The following ZBTB10 variants were observed in gnomAD, a reference collection of about 807,000 sequenced individuals.
ZBTB10 encodes zinc finger and BTB domain containing 10.
In ZBTB10, 32 loss-of-function variants were observed where a neutral mutation model predicts 76.4. The ratio of observed to expected loss-of-function variants is 0.42; its 90% confidence interval spans 0.32 to 0.56. The LOEUF (loss-of-function observed/expected upper bound fraction) is 0.56, where lower values mean the gene tolerates loss of function less well. Among genes scored for constraint, ZBTB10 ranks in the 20% least tolerant of loss-of-function variants. The pLI is 0.14. For synonymous variants in ZBTB10, 523 were observed against 432.9 expected, an observed-to-expected ratio of 1.21 and a Z score of -2.58; for missense variants, 1,057 against 1,098.5, an observed-to-expected ratio of 0.96 and a Z score of 0.53.
rs373787723 is a variant in ZBTB10 at position 80,500,168 on chromosome 8, T to G, written c.1647T>G (p.Asn549Lys). ...ATGGATCTCCTGAAATGGCTGAAAA[T>G]GAATCTGAAGGTCAAACAAAAGTGT... ...VQDGSPEMAE[N>K]ESEGQTKVFI... The change falls in exon 2 of 6, where the codon AAT becomes AAG. Residue 549 changes from asparagine to lysine, a missense_variant. Around this residue, in one of 5 missense-constraint regions of ZBTB10, gnomAD observed 306 missense variants for 297.5 expected, o/e 1.03. Transcript: ENST00000455036. 1.9e-6 allele frequency: 3 copies of G among 1,612,134 alleles called. No individual in the cohort carries two copies. The highest frequency in any genetic ancestry group is 2.5e-6 in the Non-Finnish European group (3 of 1,178,956).
At chr8:80,512,898 G>T (rs982177146) in intron 2 of ZBTB10, among the ~76,000 whole-genome samples, 1 of 151,682 alleles carries the variant, frequency 6.6e-6, no homozygotes, top group Non-Finnish European at 1.5e-5. Flanking sequence ...CACCAGTATC[G>T]CTCAGTAAGA....
intron 3 of ZBTB10, among the ~76,000 whole-genome samples, chr8:80,514,285 A>G (rs1274410622): frequency 6.6e-6 from 1 of 152,220 alleles, no homozygotes; most frequent in African/African-American, 2.4e-5. Context: ...GCTGGTATAT[A>G]GATACGGAAC....
Position 80,486,779 on chromosome 8 carries a change from G to A in ZBTB10, c.-32G>A, listed in dbSNP as rs948096874. 14 of 1,369,992 alleles carry A rather than the reference G, an allele frequency of 1.0e-5. No individual in the cohort carries two copies. In the African/African-American group the frequency reaches 1.1e-4, roughly 11 times the overall value. The allele number at this position is 1,369,992 out of a possible 1,614,324, so 84.9% of individuals were successfully genotyped here. ...CGGCCCGAGGCCGTGCGCGAGCCGGGGCACCGGGCGGCGGCGGCGGCGGCG... is the reference window on the plus strand; with the variant it reads ...CGGCCCGAGGCCGTGCGCGAGCCGGAGCACCGGGCGGCGGCGGCGGCGGCG... On this transcript the variant is annotated 5_prime_UTR_variant, in exon 1 of 6. Coordinates refer to ENST00000455036, the MANE Select transcript of ZBTB10 (RefSeq NM_001105539.3).
At chr8:80,486,138 G>GC (rs1815441682), upstream of ZBTB10, 1 of 276,400 alleles carries the variant, frequency 3.6e-6, no homozygotes. Context: ...CCCAAGCCCA[G>GC]CCCCCCTCCC....
rs1028205390 is a variant in ZBTB10, at chr8:80,522,295, T to A, written c.*2767T>A. On this transcript the variant is annotated 3_prime_UTR_variant, in exon 6 of 6. Coordinates refer to ENST00000455036, the MANE Select transcript of ZBTB10 (RefSeq NM_001105539.3). ...ACTCATAATTTTGTCTGTGGAACTC[T>A]GGCAGAATTATGTTACACATTTGGC... is the stretch of plus-strand genomic sequence containing the variant. The A allele has an allele frequency of 6.6e-6, 1 of 151,972 alleles. No homozygotes were observed. The allele number at this position is 151,972 out of a possible 1,614,324, so 9.4% of individuals were successfully genotyped here.
At chr8:80,508,202 A>T (rs1250940565) in intron 2 of ZBTB10, among the ~76,000 whole-genome samples, 3 of 152,202 alleles carry the variant, frequency 2.0e-5, no homozygotes, top group Non-Finnish European at 4.4e-5. Flanking sequence ...CATTTTTGTG[A>T]CTTCTTCCTG....
In ZBTB10 at chr8:80,486,404, A is replaced by G. The variant is rs372643025; in HGVS notation, c.-407A>G. On this transcript the variant is annotated 5_prime_UTR_variant, in exon 1 of 6. Coordinates refer to ENST00000455036, the MANE Select transcript of ZBTB10 (RefSeq NM_001105539.3). ...CGGAGGAAGGATATCTGTGTGGAGG[A>G]TCGGTGTGTGCGCGCGCGGCTTTAA... The G allele has an allele frequency of 8.5e-5, 83 of 980,652 alleles. No individual in the cohort carries two copies. Among genetic ancestry groups the G allele is most frequent in the Middle Eastern group, 5.2e-4 (1 of 1,918 alleles). The allele number at this position is 980,652 out of a possible 1,614,324, so 60.7% of individuals were successfully genotyped here. A position where few individuals can be genotyped will look rare whatever the true frequency, so the allele number is the denominator to read the frequency against.
rs1218277376 is a variant in ZBTB10, at chr8:80,525,508, T to C, written c.*5980T>C. On this transcript the variant is annotated 3_prime_UTR_variant, in exon 6 of 6. Coordinates refer to ENST00000455036, the MANE Select transcript of ZBTB10 (RefSeq NM_001105539.3). ...GAAAGATAAACACAAGACAGTCTTC[T>C]TGGCGCAGGTCCTAACAGTTGGTGA... The C allele has an allele frequency of 6.6e-6, 1 of 152,156 alleles. No homozygotes were observed. Among genetic ancestry groups the C allele is most frequent in the Non-Finnish European group, 1.5e-5 (1 of 68,018 alleles). The allele number at this position is 152,156 out of a possible 1,614,324, so 9.4% of individuals were successfully genotyped here.
intron 2 of ZBTB10, among the ~76,000 whole-genome samples, chr8:80,507,825 T>G (rs1816098779): frequency 6.6e-6 from 1 of 152,074 alleles, no homozygotes; most frequent in African/African-American, 2.4e-5. Context: ...GGTGTCCAGC[T>G]CTTGGGCTCA....
chr8:80,512,048 G>C (rs1435956752), intron 2 of ZBTB10, among the ~76,000 whole-genome samples: 1 of 152,014 alleles, frequency 6.6e-6, no homozygotes, highest in Admixed American at 6.5e-5. Context: ...AAGGAGTTCT[G>C]TATCTATTTA....
intron 3 of ZBTB10, among the ~76,000 whole-genome samples, chr8:80,515,192 A>G (rs1477765115): frequency 6.6e-6 from 1 of 152,206 alleles, no homozygotes; most frequent in Non-Finnish European, 1.5e-5. Flanking sequence ...AGTTATGAGC[A>G]TGCATGTTTC....
At position 80,500,351 on chromosome 8, in the gene ZBTB10, A is replaced by G; in HGVS notation, c.1830A>G (p.Glu610=). ...SVMQPPVAYP[E]ENTLLIKEEP... is the part of the protein sequence containing the mutation. ...TGCAGCCACCTGTTGCCTATCCAGA[A>G]GAAAATACACTACTCATCAAGGAAG... Residue 610 remains glutamate, a synonymous_variant, in exon 2 of 6, where the codon GAA becomes GAG. Transcript: ENST00000455036. 1.3e-6 allele frequency: 2 copies of G among 1,581,824 alleles called. No individual in the cohort carries two copies. The highest frequency in any genetic ancestry group is 1.7e-6 in the Non-Finnish European group (2 of 1,164,200).
At chr8:80,501,959 T>C (rs1563461172) in intron 2 of ZBTB10, among the ~76,000 whole-genome samples, 2 of 152,200 alleles carry the variant, frequency 1.3e-5, no homozygotes, top group South Asian at 4.1e-4. Flanking sequence ...TGTAGTGTTT[T>C]TAAATACACA....
intron 1 of ZBTB10, among the ~76,000 whole-genome samples, chr8:80,497,683 CTT>C (rs397891910): frequency 4.1e-3 from 357 of 87,632 alleles, no homozygotes; most frequent in African/African-American, 0.013. Flanking sequence ...GTCCTGGAAT[CTT>C]TTTTTTTTTT....
chr8:80,509,470 G>A (rs980628281), intron 2 of ZBTB10, among the ~76,000 whole-genome samples: 17 of 152,072 alleles, frequency 1.1e-4, no homozygotes, highest in Non-Finnish European at 2.5e-4. Context: ...AAATAGTCAG[G>A]GAAACCTTTC....
chr8:80,506,891 T>A (rs1290435971), intron 2 of ZBTB10, among the ~76,000 whole-genome samples: 1 of 150,512 alleles, frequency 6.6e-6, no homozygotes, highest in Non-Finnish European at 1.5e-5. Flanking sequence ...AAGGATGAGA[T>A]GCAAGTCAGA....
At chr8:80,495,933 A>G (rs1815771700) in intron 1 of ZBTB10, among the ~76,000 whole-genome samples, 2 of 152,228 alleles carry the variant, frequency 1.3e-5, no homozygotes, top group South Asian at 2.1e-4. Context: ...TTAGCTCTGA[A>G]TGTCTGTTTC....
intron 1 of ZBTB10, among the ~76,000 whole-genome samples, chr8:80,488,481 T>C (rs1156668650): frequency 6.6e-6 from 1 of 152,222 alleles, no homozygotes; most frequent in Non-Finnish European, 1.5e-5. Context: ...TTTTGTACTG[T>C]TCCTTTTCAG....
chr8:80,496,271 C>G (rs1417507623), intron 1 of ZBTB10, among the ~76,000 whole-genome samples: 2 of 151,430 alleles, frequency 1.3e-5, no homozygotes, highest in Admixed American at 1.3e-4. Context: ...TTATTTAGCT[C>G]TTTAACCCAA....
Sources: allele counts gnomAD v4.1 joint callset (sites outside exome capture counted in the v4.1 genomes callset), GRCh38; gene constraint gnomAD v4.1.1; regional missense constraint gnomAD v4.1.1; transcripts MANE v1.5; gene names NCBI Gene and HGNC (gene_info 2026-07-23, HGNC 2026-07-21).